UNC5C: variants seen among roughly 807,000 people sequenced by gnomAD.
UNC5C encodes netrin receptor UNC5C.
Under a neutral mutation model 99.8 loss-of-function variants are expected in UNC5C, and 47 were observed. That is an observed-to-expected ratio of 0.47 (90% CI 0.37 to 0.60). The LOEUF is 0.60. UNC5C is among the 20% of genes least tolerant of loss of function. The probability of loss-of-function intolerance (pLI) is 0.00; values close to 1 mark genes in which losing one functional copy is unlikely to be tolerated. For missense variants in UNC5C, 1,062 were observed against 1,165.9 expected, an observed-to-expected ratio of 0.91 and a Z score of 1.30; for synonymous variants, 487 against 452.2, an observed-to-expected ratio of 1.08 and a Z score of -0.98.
At chr4:95,426,076 C>T (rs979399666) in intron 1 of UNC5C, among the ~76,000 whole-genome samples, 3 of 152,098 alleles carry the variant, frequency 2.0e-5, no homozygotes, top group East Asian at 1.9e-4. Flanking sequence ...GCATTTCTTA[C>T]AAATTGAAGG....
chr4:95,316,135 G>A (rs1248417401), intron 2 of UNC5C, among the ~76,000 whole-genome samples: 1 of 152,018 alleles, frequency 6.6e-6, no homozygotes, highest in Non-Finnish European at 1.5e-5. Flanking sequence ...TTTACTCTCA[G>A]AATCCTAAAA....
chr4:95,469,618 T>A (rs145952189), intron 1 of UNC5C, among the ~76,000 whole-genome samples: 5 of 152,282 alleles, frequency 3.3e-5, no homozygotes, highest in Non-Finnish European at 5.9e-5. Context: ...TTCATTTATC[T>A]TGAAATGATG....
chr4:95,448,223 T>TGAGAGAGAGAGAGA (rs1355886184), intron 1 of UNC5C, among the ~76,000 whole-genome samples: 14 of 108,040 alleles, frequency 1.3e-4, no homozygotes, highest in Admixed American at 4.5e-4. Flanking sequence ...TGTGTGTGTG[T>TGAGAGAGAGAGAGA]GTGTGAGAGA....
At chr4:95,449,910 G>A (rs145270765) in intron 1 of UNC5C, among the ~76,000 whole-genome samples, 3 of 152,326 alleles carry the variant, frequency 2.0e-5, no homozygotes, top group Non-Finnish European at 2.9e-5. Context: ...TTGGTGACAT[G>A]CATTTCAAGA....
At chr4:95,481,363 T>C (rs1481323231) in intron 1 of UNC5C, among the ~76,000 whole-genome samples, 1 of 151,614 alleles carries the variant, frequency 6.6e-6, no homozygotes, top group Non-Finnish European at 1.5e-5. Context: ...TAAAAGAGGA[T>C]ACAAACAAAT....
At chr4:95,197,299 A>G (rs760892159) in intron 12 of UNC5C, among the ~76,000 whole-genome samples, 2 of 151,676 alleles carry the variant, frequency 1.3e-5, no homozygotes, top group Non-Finnish European at 1.5e-5. Context: ...TAAGTACTCC[A>G]CTGGGCTTCT....
At chr4:95,494,159 G>A (rs72876461) in intron 1 of UNC5C, among the ~76,000 whole-genome samples, 3,294 of 151,612 alleles carry the variant, frequency 0.022, 129 homozygotes, top group African/African-American at 0.074. Context: ...AAGATGTTCA[G>A]CTGATACTGC....
chr4:95,270,791 G>C (rs1159902161), intron 4 of UNC5C, among the ~76,000 whole-genome samples: 1 of 152,224 alleles, frequency 6.6e-6, no homozygotes, highest in Non-Finnish European at 1.5e-5. Context: ...AAATGTCATT[G>C]AAGTGTCCGT....
chr4:95,202,616 C>T (rs769307256), intron 12 of UNC5C, 115 bp downstream of exon 12: 7 of 992,178 alleles, frequency 7.1e-6, no homozygotes, highest in Non-Finnish European at 1.0e-5. Flanking sequence ...GGGCCAAACA[C>T]GTGTCCACAC....
intron 1 of UNC5C, among the ~76,000 whole-genome samples, chr4:95,391,730 T>G (rs1037624565): frequency 8.8e-6 from 1 of 113,494 alleles, no homozygotes; most frequent in African/African-American, 3.4e-5. Context: ...CTCTACAAAA[T>G]ATAAAGTGAG....
At chr4:95,181,470 A>AC (rs1045918767) in intron 14 of UNC5C, among the ~76,000 whole-genome samples, 55 of 151,816 alleles carry the variant, frequency 3.6e-4, no homozygotes, top group African/African-American at 1.2e-3. Flanking sequence ...AAAGGACCAG[A>AC]CCCCCTCACC....
At chr4:95,413,463 A>G (rs992691122) in intron 1 of UNC5C, among the ~76,000 whole-genome samples, 2 of 152,142 alleles carry the variant, frequency 1.3e-5, no homozygotes, top group African/African-American at 4.8e-5. Context: ...CATCAAGCTC[A>G]TCATCCAGGC....
At position 95,520,133 on chromosome 4, in the gene UNC5C, A is replaced by T. The variant is rs371486748; in HGVS notation, c.124+28601T>A. ...TGACTTTCCCAAGGTCACAGAGCTT[A>T]TCAAGTCTCTAAATACTCAACCTAG... On this transcript the variant is annotated intron_variant, in intron 1 of 15. Transcript: ENST00000453304. Among the ~76,000 whole-genome samples, 15 of 152,360 alleles carry T rather than the reference A, an allele frequency of 9.8e-5. No homozygotes were observed. In the East Asian group the frequency reaches 1.3e-3, roughly 14 times the overall value.
Position 95,202,835 on chromosome 4 carries a change from C to A in UNC5C, c.2032G>T (p.Ala678Ser), listed in dbSNP as rs1337002863. 1 of 1,614,212 alleles carries A rather than the reference C, an allele frequency of 6.2e-7. No individual in the cohort carries two copies. The highest frequency in any genetic ancestry group is 1.3e-5 in the African/African-American group (1 of 75,054). ...ALVGHSTTKA[A>S]AKRLKLAIFG... ...ATGGCCAGCTTGAGGCGCTTCGCAG[C>A]CGCTTTGGTGGTGGAATGTCCTACC... Residue 678 changes from alanine (A) to serine (S), a missense_variant, in exon 12 of 16, where the codon GCT (alanine) becomes TCT (serine). By Grantham distance (99) the Ala-to-Ser change is moderately conservative (BLOSUM62 1). Around this residue, in one of 3 missense-constraint regions of UNC5C, gnomAD observed 810 missense variants for 854.5 expected, o/e 0.95. Transcript: ENST00000453304.
chr4:95,394,627 G>C (rs1745456676), intron 1 of UNC5C, among the ~76,000 whole-genome samples: 1 of 149,002 alleles, frequency 6.7e-6, no homozygotes, highest in Non-Finnish European at 1.5e-5. Flanking sequence ...TACAATTCTG[G>C]CATCTGCTAT....
Position 95,220,871 on chromosome 4 carries a change from G to A in UNC5C, c.1109-695C>T, listed in dbSNP as rs144610175. On this transcript the variant is annotated intron_variant, in intron 7 of 15. Transcript: ENST00000453304. ...TCTCTGAGAACCCTGAGCTTCTCAC[G>A]GTCCCCTGTCAGAGATTTACATTTG... is the stretch of plus-strand genomic sequence containing the variant. Among the ~76,000 whole-genome samples, 1,019 of 152,180 alleles carry A rather than the reference G, an allele frequency of 6.7e-3. 13 individuals carry two copies. Among genetic ancestry groups the A allele is most frequent in the African/African-American group, 0.023 (956 of 41,512 alleles).
intron 1 of UNC5C, among the ~76,000 whole-genome samples, chr4:95,459,442 A>C (rs757414651): frequency 2.5e-4 from 38 of 152,270 alleles, no homozygotes; most frequent in Non-Finnish European, 4.6e-4. Flanking sequence ...ATCAGACTAG[A>C]CTGGCTCCAG....
intron 1 of UNC5C, among the ~76,000 whole-genome samples, chr4:95,449,839 T>C (rs913168885): frequency 1.3e-5 from 2 of 152,192 alleles, no homozygotes; most frequent in Admixed American, 1.3e-4. Context: ...TACATTTTAT[T>C]GTTTGTATGG....
chr4:95,288,237 C>T (rs1741312168), intron 3 of UNC5C, among the ~76,000 whole-genome samples: 1 of 152,084 alleles, frequency 6.6e-6, no homozygotes, highest in Admixed American at 6.5e-5. Context: ...CACCCGCCAC[C>T]ATGCCTGGCT....
Sources: allele counts gnomAD v4.1 joint callset (sites outside exome capture counted in the v4.1 genomes callset), GRCh38; gene constraint gnomAD v4.1.1; regional missense constraint gnomAD v4.1.1; transcripts MANE v1.5; gene names NCBI Gene and HGNC (gene_info 2026-07-23, HGNC 2026-07-21).